Variants in RPS6KB1 observed in about 807,000 individuals in gnomAD.
RPS6KB1 encodes the protein ribosomal protein S6 kinase beta-1.
A neutral mutation model predicts 70.2 loss-of-function variants in RPS6KB1; 12 were observed. The ratio of observed to expected loss-of-function variants is 0.17; its 90% confidence interval spans 0.11 to 0.28. The LOEUF (loss-of-function observed/expected upper bound fraction) is 0.28. RPS6KB1 is among the 10% of genes least tolerant of loss of function. The pLI, the probability that RPS6KB1 is intolerant of heterozygous loss-of-function variation, is 1.00. For missense variants in RPS6KB1, 270 were observed against 646.6 expected (o/e 0.42, Z 6.32); for synonymous variants, 175 against 211.2 (o/e 0.83, Z 1.49).
At chr17:59,916,862 C>T (rs1354945526) in intron 4 of RPS6KB1, among the ~76,000 whole-genome samples, 1 of 152,078 alleles carries the variant, frequency 6.6e-6, no homozygotes, top group Non-Finnish European at 1.5e-5. Flanking sequence ...AAAATATATC[C>T]ATATTGCATA....
chr17:59,950,166 T>C lies in RPS6KB1; in HGVS notation c.*3378T>C, dbSNP rs1307747157. ...GTGATTCTTAACATTATAGCACAAG[T>C]ATTATCTCAGTGGATTATCCGGAAT... On this transcript the variant is annotated 3_prime_UTR_variant, in exon 15 of 15. Transcript: ENST00000225577. 1 of 152,586 alleles carries C rather than the reference T, an allele frequency of 6.6e-6. No homozygotes were observed. The highest frequency in any genetic ancestry group is 1.5e-5 in the Non-Finnish European group (1 of 67,970). The allele number at this position is 152,586 out of a possible 1,614,324, so 9.5% of individuals were successfully genotyped here.
intron 12 of RPS6KB1, among the ~76,000 whole-genome samples, chr17:59,938,185 G>GGC (rs1555653088): frequency 7.1e-5 from 6 of 84,850 alleles, no homozygotes; most frequent in South Asian, 4.2e-4. Context: ...TTTTTTTTTT[G>GGC]GGGGGGGGAT....
intron 12 of RPS6KB1, among the ~76,000 whole-genome samples, chr17:59,938,475 CT>C (rs1016830804): frequency 1.3e-5 from 2 of 151,478 alleles, no homozygotes; most frequent in South Asian, 4.2e-4. Flanking sequence ...TCTTAGGTCT[CT>C]TTTCATTTAT....
At chr17:59,927,303 C>A (rs548256097) in intron 5 of RPS6KB1, among the ~76,000 whole-genome samples, 1 of 150,608 alleles carries the variant, frequency 6.6e-6, no homozygotes, top group African/African-American at 2.4e-5. Context: ...AGGCTGGTCT[C>A]GAACTCCCGA....
intron 4 of RPS6KB1, among the ~76,000 whole-genome samples, chr17:59,924,228 C>G (rs1268065324): frequency 1.3e-5 from 2 of 152,044 alleles, no homozygotes; most frequent in Non-Finnish European, 2.9e-5. Flanking sequence ...ACTTGGGAGG[C>G]TGAGGCAGGA....
intron 1 of RPS6KB1, among the ~76,000 whole-genome samples, chr17:59,903,715 C>T (rs1048824644): frequency 2.0e-5 from 3 of 152,060 alleles, no homozygotes; most frequent in African/African-American, 7.2e-5. Flanking sequence ...CTTACTTTTC[C>T]TCTTTATCAT....
chr17:59,895,388 C>T (rs1278542715), intron 1 of RPS6KB1, among the ~76,000 whole-genome samples: 4 of 140,598 alleles, frequency 2.8e-5, no homozygotes, highest in African/African-American at 1.1e-4. Context: ...GTGGTGCGAT[C>T]TCGGCTCACT....
intron 4 of RPS6KB1, among the ~76,000 whole-genome samples, chr17:59,919,251 G>T (rs2043134156): frequency 6.6e-6 from 1 of 152,174 alleles, no homozygotes; most frequent in Admixed American, 6.6e-5. Flanking sequence ...AGGGCTGGGT[G>T]TGGTGGCTCA....
intron 1 of RPS6KB1, among the ~76,000 whole-genome samples, chr17:59,904,871 A>C (rs1043718377): frequency 2.0e-5 from 3 of 150,604 alleles, no homozygotes; most frequent in Admixed American, 6.6e-5. Flanking sequence ...TCATTTTTGT[A>C]TTTTTAGTAG....
rs745779202 is a variant in RPS6KB1 at position 59,912,801 on chromosome 17, A to G, written c.309A>G (p.Gly103=). 4 of 1,613,764 alleles carry G rather than the reference A, an allele frequency of 2.5e-6. No individual in the cohort carries two copies. The highest frequency in any genetic ancestry group is 1.1e-5 in the South Asian group (1 of 91,062). Residue 103 remains glycine (G), a synonymous_variant, in exon 3 of 15, where the codon GGA becomes GGG. Transcript: ENST00000225577. ...LLRVLGKGGY[G]KVFQVRKVTG... The stretch of plus-strand genomic sequence containing the variant: ...GGGTACTTGGTAAAGGGGGCTATGG[A>G]AAGGTAGGCAATATTTTTGAAATGA...
Position 59,946,935 on chromosome 17 carries a change from G to A in RPS6KB1, c.*147G>A. 2.7e-6 allele frequency: 4 copies of A among 1,464,770 alleles called. No homozygotes were observed. The highest frequency in any genetic ancestry group is 2.4e-5 in the Admixed American group (1 of 41,102). The allele number at this position is 1,464,770 out of a possible 1,614,324, so 90.7% of individuals were successfully genotyped here. A position where few individuals can be genotyped will look rare whatever the true frequency, so the allele number is the denominator to read the frequency against. ...CTTCAGACACAGGAAAAATAAACGT[G>A]GATTTTAAAAAATCAATCAATGGTG... On this transcript the variant is annotated 3_prime_UTR_variant, in exon 15 of 15. Transcript: ENST00000225577. This position sits in a 1 kb window ranked among gnomAD's most constrained non-coding sequence, Gnocchi z 4.2.
intron 13 of RPS6KB1, among the ~76,000 whole-genome samples, chr17:59,942,322 CATT>C (rs2044661528): frequency 6.6e-6 from 1 of 152,176 alleles, no homozygotes; most frequent in East Asian, 1.9e-4. Context: ...AGTGAATTCT[CATT>C]GTAGAAATGT....
At chr17:59,918,464 C>T (rs547571596) in intron 4 of RPS6KB1, among the ~76,000 whole-genome samples, 214 of 150,682 alleles carry the variant, frequency 1.4e-3, no homozygotes, top group African/African-American at 4.7e-3. Context: ...CTGCCTCCTG[C>T]GTTCAAGCGA....
chr17:59,899,636 A>G (rs2041789439), intron 1 of RPS6KB1, among the ~76,000 whole-genome samples: 1 of 152,228 alleles, frequency 6.6e-6, no homozygotes, highest in African/African-American at 2.4e-5. Context: ...CAAAGACAAA[A>G]AAAACCTTTA....
At chr17:59,940,784 T>A (rs2044531847) in intron 12 of RPS6KB1, 52 bp from the exon 13 acceptor site, 1 of 1,115,380 alleles carries the variant, frequency 9.0e-7, no homozygotes, top group Non-Finnish European at 1.3e-6. Context: ...TGCATTTGAT[T>A]GATGTAACAT....
intron 7 of RPS6KB1, among the ~76,000 whole-genome samples, chr17:59,933,022 C>G (rs1046350081): frequency 6.6e-6 from 1 of 152,190 alleles, no homozygotes; most frequent in African/African-American, 2.4e-5. Context: ...CTTGGCAATT[C>G]ACTCGTACCC....
intron 12 of RPS6KB1, among the ~76,000 whole-genome samples, chr17:59,938,699 T>TGTGTGTGTGTGTG (rs2044395492): frequency 7.2e-6 from 1 of 138,084 alleles, no homozygotes; most frequent in Non-Finnish European, 1.6e-5. Context: ...AATGTGTAGT[T>TGTGTGTGTGTGTG]TGTGTGTGTG....
chr17:59,910,462 G>T (rs2042567716), intron 1 of RPS6KB1, 100 bp from the exon 2 acceptor site: 1 of 716,118 alleles, frequency 1.4e-6, no homozygotes, highest in African/African-American at 1.8e-5. Flanking sequence ...TGTTAGGCTG[G>T]TTTATTTCAT....
At chr17:59,911,544 T>TTTTTTG (rs2042639986) in intron 2 of RPS6KB1, among the ~76,000 whole-genome samples, 1 of 139,384 alleles carries the variant, frequency 7.2e-6, no homozygotes, top group Admixed American at 7.2e-5. Flanking sequence ...TTGGGTTTTT[T>TTTTTTG]TTTTTTTTTT....
Sources: gnomAD v4.1 joint callset for allele counts (sites outside exome capture counted in the v4.1 genomes callset) on GRCh38, gnomAD v4.1.1 for gene constraint, Gnocchi (gnomAD v3.1) non-coding constraint, MANE v1.5 for transcripts, NCBI Gene and HGNC (gene_info 2026-07-23, HGNC 2026-07-21) for gene names.